Variants in RORA observed in about 807,000 individuals in gnomAD.
The protein encoded by RORA is nuclear receptor ROR-alpha.
Under a neutral mutation model 69.5 loss-of-function variants are expected in RORA, and 7 were observed. That is an observed-to-expected ratio of 0.10 (90% CI 0.06 to 0.19). RORA has a LOEUF of 0.19. RORA is among the 10% of genes least tolerant of loss of function. RORA has a pLI of 1.00. For missense variants in RORA, 457 were observed against 663.0 expected, an observed-to-expected ratio of 0.69 and a Z score of 3.41; for synonymous variants, 261 against 240.8, an observed-to-expected ratio of 1.08 and a Z score of -0.78.
rs2065049802 is a variant in RORA, at chr15:60,492,032, G to A, written c.*5423C>T. ...ATGTTATGTAAAAATGTCAACGTGTGTGTGTATACACACATATACAAATAC... is the reference window on the plus strand; with the variant it reads ...ATGTTATGTAAAAATGTCAACGTGTATGTGTATACACACATATACAAATAC... On this transcript the variant is annotated 3_prime_UTR_variant, in exon 11 of 11. Coordinates refer to ENST00000335670, the MANE Select transcript of RORA (RefSeq NM_134261.3). The A allele has an allele frequency of 6.8e-6, 1 of 147,994 alleles. No homozygotes were observed. Among genetic ancestry groups the A allele is most frequent in the Admixed American group, 6.8e-5 (1 of 14,776 alleles). 9.2% of individuals were successfully genotyped at this position (147,994 alleles called of 1,614,324 possible). A position where few individuals can be genotyped will look rare whatever the true frequency, so the allele number is the denominator to read the frequency against.
intron 1 of RORA, among the ~76,000 whole-genome samples, chr15:61,195,151 T>C (rs2079835997): frequency 6.6e-6 from 1 of 152,144 alleles, no homozygotes; most frequent in Admixed American, 6.5e-5. Flanking sequence ...ATGCATTCTG[T>C]AGTTCTTCTG....
intron 2 of RORA, among the ~76,000 whole-genome samples, chr15:60,573,210 C>T (rs1304920800): frequency 6.6e-6 from 1 of 152,116 alleles, no homozygotes; most frequent in Non-Finnish European, 1.5e-5. Flanking sequence ...ACTTGTTTTC[C>T]CTCCTTCTGG....
chr15:60,883,541 A>T (rs2073715862), intron 1 of RORA, among the ~76,000 whole-genome samples: 1 of 152,218 alleles, frequency 6.6e-6, no homozygotes, highest in Non-Finnish European at 1.5e-5. Context: ...TGCCTTTTCA[A>T]TTCCTTCTGC....
intron 2 of RORA, among the ~76,000 whole-genome samples, chr15:60,547,086 C>T (rs764606936): frequency 3.3e-5 from 5 of 152,104 alleles, no homozygotes; most frequent in East Asian, 1.9e-4. Flanking sequence ...TGATAGCCTT[C>T]GAATGCTCTT....
At chr15:61,086,068 C>T (rs962732628) in intron 1 of RORA, among the ~76,000 whole-genome samples, 1 of 152,206 alleles carries the variant, frequency 6.6e-6, no homozygotes, top group Non-Finnish European at 1.5e-5. Context: ...TAAAAAATAA[C>T]TCCAAAGCAA....
At chr15:60,866,065 C>A (rs952809134) in intron 1 of RORA, among the ~76,000 whole-genome samples, 3 of 152,136 alleles carry the variant, frequency 2.0e-5, no homozygotes, top group Non-Finnish European at 4.4e-5. Context: ...TCCATTTCTC[C>A]TCTTTTAGTT....
intron 1 of RORA, among the ~76,000 whole-genome samples, chr15:61,129,943 T>A (rs1248350852): frequency 6.6e-6 from 1 of 152,164 alleles, no homozygotes; most frequent in Non-Finnish European, 1.5e-5. Flanking sequence ...CCTCAGAGTG[T>A]TTACAAACAA....
intron 1 of RORA, among the ~76,000 whole-genome samples, chr15:60,895,213 A>G (rs1891199168): frequency 6.6e-6 from 1 of 152,228 alleles, no homozygotes; most frequent in South Asian, 2.1e-4. Context: ...GAGGCAAGAA[A>G]GCGAACGGAA....
At chr15:60,943,015 T>C (rs548625645) in intron 1 of RORA, among the ~76,000 whole-genome samples, 1 of 152,382 alleles carries the variant, frequency 6.6e-6, no homozygotes, top group South Asian at 2.1e-4. Context: ...TTCCTATTTT[T>C]AGCATGAACT....
chr15:60,872,959 C>T (rs1332416161), intron 1 of RORA, among the ~76,000 whole-genome samples: 2 of 152,116 alleles, frequency 1.3e-5, no homozygotes, highest in Non-Finnish European at 2.9e-5. Context: ...AGCGCAATCC[C>T]TACTCAACTT....
intron 1 of RORA, among the ~76,000 whole-genome samples, chr15:60,962,223 C>T (rs991780747): frequency 3.3e-5 from 5 of 152,224 alleles, no homozygotes; most frequent in Admixed American, 1.3e-4. Flanking sequence ...TTTGGCATTT[C>T]CTGTCCTGAC....
At chr15:60,853,696 C>G (rs148908084) in intron 1 of RORA, among the ~76,000 whole-genome samples, 1 of 152,166 alleles carries the variant, frequency 6.6e-6, no homozygotes, top group African/African-American at 2.4e-5. Context: ...TGTGGCCCAG[C>G]AAGGGCAACC....
chr15:60,754,975 G>A (rs2071776320), intron 1 of RORA, among the ~76,000 whole-genome samples: 1 of 144,684 alleles, frequency 6.9e-6, no homozygotes, highest in African/African-American at 2.6e-5. Context: ...GAAGATGAGA[G>A]CTGAGTCTTT....
At chr15:60,502,932 G>A in intron 7 of RORA, 65 bp from the exon 8 acceptor site, 1 of 1,063,946 alleles carries the variant, frequency 9.4e-7, no homozygotes, top group Non-Finnish European at 1.5e-6. Flanking sequence ...TTGTTTCTAA[G>A]CTGCTCATGT....
rs116425023 is a variant in RORA, at chr15:60,983,386, G to T, written c.166+245667C>A. 8.6e-3 allele frequency among the ~76,000 whole-genome samples: 1,304 copies of T among 152,268 alleles called. 22 individuals carry two copies. The highest frequency in any genetic ancestry group is 0.027 in the African/African-American group (1,121 of 41,556). ...GTTTTACCCCAAAATATATTTCTTT[G>T]TCACATTTTGAAATAGCCCTGCAAA... On this transcript the variant is annotated intron_variant, in intron 1 of 10. Transcript: ENST00000335670.
At chr15:61,086,849 T>C (rs931143191) in intron 1 of RORA, among the ~76,000 whole-genome samples, 1 of 152,108 alleles carries the variant, frequency 6.6e-6, no homozygotes, top group Non-Finnish European at 1.5e-5. Context: ...GCACTTCTAT[T>C]GTACAACAGC....
chr15:61,134,814 G>T (rs1314473634), intron 1 of RORA, among the ~76,000 whole-genome samples: 1 of 152,092 alleles, frequency 6.6e-6, no homozygotes, highest in Non-Finnish European at 1.5e-5. Flanking sequence ...CTTTGGAAGG[G>T]TGGGCAGTTT....
chr15:60,931,576 C>G (rs759789123), intron 1 of RORA, among the ~76,000 whole-genome samples: 11 of 152,226 alleles, frequency 7.2e-5, no homozygotes, highest in Non-Finnish European at 1.5e-4. Context: ...GCACTGGTAT[C>G]AAGAGTTGCA....
At chr15:60,921,492 C>T (rs955780261) in intron 1 of RORA, among the ~76,000 whole-genome samples, 35 of 152,170 alleles carry the variant, frequency 2.3e-4, no homozygotes, top group African/African-American at 8.2e-4. Flanking sequence ...ATCTAAGGTG[C>T]TAGAAGTCAA....
Sources: gnomAD v4.1 joint callset for allele counts (sites outside exome capture counted in the v4.1 genomes callset) on GRCh38, gnomAD v4.1.1 for gene constraint, MANE v1.5 for transcripts, NCBI Gene and HGNC (gene_info 2026-07-23, HGNC 2026-07-21) for gene names.